Variants in ENTREP2 observed in about 807,000 individuals in gnomAD.
The protein encoded by ENTREP2 is protein ENTREP2.
chr15:29,231,563 T>C, the ENTREP2 span, among the ~76,000 whole-genome samples: 1 of 152,164 alleles, frequency 6.6e-6, no homozygotes, highest in Non-Finnish European at 1.5e-5. Context: ...GGCTATAAAA[T>C]CTCTGATAGT....
chr15:29,557,153 T>C, the ENTREP2 span, among the ~76,000 whole-genome samples: 1 of 152,166 alleles, frequency 6.6e-6, no homozygotes, highest in African/African-American at 2.4e-5. Flanking sequence ...CAAACCTGGC[T>C]GGCCCCAGCC....
chr15:29,190,088 T>C, the ENTREP2 span, among the ~76,000 whole-genome samples: 1 of 152,256 alleles, frequency 6.6e-6, no homozygotes, highest in Non-Finnish European at 1.5e-5. Flanking sequence ...ACTCAGATGG[T>C]CCCTGCCCTC....
At chr15:29,196,658 G>A in the ENTREP2 span, 1 of 1,397,966 alleles carries the variant, frequency 7.2e-7, no homozygotes. Context: ...CAGGAAAATG[G>A]CTCAGTTCAA....
the ENTREP2 span, among the ~76,000 whole-genome samples, chr15:29,297,212 G>T: frequency 0.16 from 24,667 of 152,072 alleles, 3,353 homozygotes; most frequent in African/African-American, 0.38. Context: ...CTTAATAGAT[G>T]AATTCACTAG....
the ENTREP2 span, among the ~76,000 whole-genome samples, chr15:29,625,036 C>T: frequency 2.6e-5 from 4 of 152,078 alleles, no homozygotes; most frequent in Middle Eastern, 3.4e-3. Context: ...TCCACCCACC[C>T]GTCCCTAACA....
At chr15:29,303,218 C>G in the ENTREP2 span, among the ~76,000 whole-genome samples, 1 of 152,200 alleles carries the variant, frequency 6.6e-6, no homozygotes, top group Admixed American at 6.5e-5. Context: ...GAAAAGGTGA[C>G]AGGAAGAGTC....
At chr15:29,135,728 G>A in the ENTREP2 span, among the ~76,000 whole-genome samples, 1,828 of 152,320 alleles carry the variant, frequency 0.012, 30 homozygotes, top group African/African-American at 0.042. This position sits in a 1 kb window ranked among gnomAD's most constrained non-coding sequence, Gnocchi z 7.4. Context: ...GCACCATGAG[G>A]CTGCAGGAGT....
At chr15:29,564,293 A>G in the ENTREP2 span, among the ~76,000 whole-genome samples, 1 of 152,208 alleles carries the variant, frequency 6.6e-6, no homozygotes, top group African/African-American at 2.4e-5. Flanking sequence ...AGAACTTTGA[A>G]GTCCTTCTTT....
the ENTREP2 span, among the ~76,000 whole-genome samples, chr15:29,440,359 C>T: frequency 6.6e-6 from 1 of 152,194 alleles, no homozygotes; most frequent in Non-Finnish European, 1.5e-5. Flanking sequence ...CAAAGCACAT[C>T]ATTTTTGCAT....
At chr15:29,212,174 G>A in the ENTREP2 span, among the ~76,000 whole-genome samples, 15 of 152,120 alleles carry the variant, frequency 9.9e-5, no homozygotes, top group Admixed American at 9.8e-4. Flanking sequence ...GTTCTGTTCA[G>A]GGTATCTAAT....
chr15:29,268,920 T>C, the ENTREP2 span: 1 of 1,614,208 alleles, frequency 6.2e-7, no homozygotes, highest in East Asian at 2.2e-5. Context: ...ACTTAAGAAC[T>C]TTCATCTTGC....
At chr15:29,560,559 GCA>G in the ENTREP2 span, among the ~76,000 whole-genome samples, 10 of 152,016 alleles carry the variant, frequency 6.6e-5, no homozygotes, top group African/African-American at 2.4e-4. Flanking sequence ...GGCACTCACT[GCA>G]CAGTCATCAT....
At chr15:29,261,143 C>T in the ENTREP2 span, among the ~76,000 whole-genome samples, 16 of 152,148 alleles carry the variant, frequency 1.1e-4, no homozygotes, top group South Asian at 2.1e-4. Flanking sequence ...GGGAGGCTAG[C>T]GGGGGAGGAC....
chr15:29,461,199 C>G, the ENTREP2 span, among the ~76,000 whole-genome samples: 1 of 152,132 alleles, frequency 6.6e-6, no homozygotes, highest in South Asian at 2.1e-4. Flanking sequence ...TCACAGAAAG[C>G]CTCCATGACT....
At chr15:29,601,520 G>C in the ENTREP2 span, among the ~76,000 whole-genome samples, 1 of 147,972 alleles carries the variant, frequency 6.8e-6, no homozygotes, top group Non-Finnish European at 1.5e-5. Flanking sequence ...ATGTCTGTAA[G>C]TTTATTGTCA....
At chr15:29,290,948 C>T in the ENTREP2 span, among the ~76,000 whole-genome samples, 1 of 152,220 alleles carries the variant, frequency 6.6e-6, no homozygotes, top group African/African-American at 2.4e-5. Context: ...GTTCACAGAA[C>T]ATCCATGTGC....
chr15:29,512,399 C>T, the ENTREP2 span, among the ~76,000 whole-genome samples: 2 of 152,148 alleles, frequency 1.3e-5, no homozygotes, highest in Middle Eastern at 3.2e-3. Flanking sequence ...GATAACCACA[C>T]CAAGGCAACA....
the ENTREP2 span, among the ~76,000 whole-genome samples, chr15:29,224,071 A>G: frequency 6.6e-6 from 1 of 152,108 alleles, no homozygotes; most frequent in South Asian, 2.1e-4. Context: ...ACAGTTCTTA[A>G]AGACACCGTG....
the ENTREP2 span, among the ~76,000 whole-genome samples, chr15:29,619,661 TCTGA>T: frequency 6.2e-3 from 942 of 152,170 alleles, 21 homozygotes; most frequent in African/African-American, 0.022. Context: ...CAAATGGAAC[TCTGA>T]CTGCTCAGGA....
Sources: gnomAD v4.1 joint callset for allele counts (sites outside exome capture counted in the v4.1 genomes callset) on GRCh38, gnomAD v4.1.1 for gene constraint, Gnocchi (gnomAD v3.1) non-coding constraint, MANE v1.5 for transcripts, NCBI Gene and HGNC (gene_info 2026-07-23, HGNC 2026-07-21) for gene names.